Variants in HOMER2 observed in about 807,000 individuals in gnomAD.
The protein encoded by HOMER2 is homer protein homolog 2.
In HOMER2, 27 loss-of-function variants were observed where a neutral mutation model predicts 47.0. The observed-to-expected ratio is 0.57, with a 90% CI of 0.42 to 0.79. The LOEUF is 0.79. Among genes scored for constraint, HOMER2 ranks in the 30% least tolerant of loss-of-function variants. The pLI is 0.00. For synonymous variants in HOMER2, 161 were observed against 163.8 expected, an observed-to-expected ratio of 0.98 and a Z score of 0.13; for missense variants, 443 against 435.0, an observed-to-expected ratio of 1.02 and a Z score of -0.16.
intron 3 of HOMER2, among the ~76,000 whole-genome samples, chr15:82,867,065 G>C (rs927991159): frequency 6.6e-6 from 1 of 152,112 alleles, no homozygotes; most frequent in Non-Finnish European, 1.5e-5. Flanking sequence ...TAATGAGGAA[G>C]ATTATTCAAC....
intron 3 of HOMER2, among the ~76,000 whole-genome samples, chr15:82,866,213 T>A (rs913612890): frequency 2.0e-5 from 3 of 152,070 alleles, no homozygotes; most frequent in Admixed American, 2.0e-4. Context: ...GTGACCTGGA[T>A]GTGAGACATG....
chr15:82,928,958 A>AAAAAAAAAAAAAAAAAAAAAAAC (rs2053933253), intron 1 of HOMER2, among the ~76,000 whole-genome samples: 1 of 148,802 alleles, frequency 6.7e-6, no homozygotes, highest in African/African-American at 2.5e-5. Flanking sequence ...AAAAAAAAAA[A>AAAAAAAAAAAAAAAAAAAAAAAC]AAGCTGTCAT....
chr15:82,902,875 T>C (rs1471032289), intron 1 of HOMER2, among the ~76,000 whole-genome samples: 1 of 135,548 alleles, frequency 7.4e-6, no homozygotes, highest in East Asian at 1.9e-4. Context: ...TGAAAATAAT[T>C]TTGTTTTATT....
At chr15:82,952,811 T>C, upstream of HOMER2, 2 of 660,346 alleles carry the variant, frequency 3.0e-6, no homozygotes, top group Non-Finnish European at 3.7e-6. Flanking sequence ...CGTAACCTCG[T>C]GGCCCCCGGG....
rs185443918 is a variant in HOMER2, at chr15:82,963,871, T to C, written n.83-4563A>G. 1.1e-4 allele frequency among the ~76,000 whole-genome samples: 17 copies of C among 152,278 alleles called. No homozygotes were observed. The East Asian group carries it at 3.1e-3, about 28-fold the overall frequency. ...GCCTTTCCTCCTCCAACATCCTCCA[T>C]GCAGGGCCTCTTACTTCCACCTCTG... On this transcript the variant is annotated intron_variant and non_coding_transcript_variant, in intron 1 of 1. Transcript: ENST00000500334.
At chr15:82,966,296 G>A (rs564535083) in intron 1 of HOMER2, among the ~76,000 whole-genome samples, 5 of 152,224 alleles carry the variant, frequency 3.3e-5, no homozygotes, top group East Asian at 1.9e-4. Flanking sequence ...ACTAAAACAC[G>A]GAGAAAGAGG....
intron 1 of HOMER2, among the ~76,000 whole-genome samples, chr15:82,937,717 T>C (rs2151210536): frequency 6.6e-6 from 1 of 152,230 alleles, no homozygotes; most frequent in South Asian, 2.1e-4. Context: ...AGGTGACCAA[T>C]GGAGACAGAG....
intron 1 of HOMER2, among the ~76,000 whole-genome samples, chr15:82,898,049 A>G (rs2052992779): frequency 6.6e-6 from 1 of 152,258 alleles, no homozygotes; most frequent in South Asian, 2.1e-4. Flanking sequence ...GTTCTCATTT[A>G]ATCCTCCCAA....
In HOMER2 at chr15:82,879,722, T is replaced by G. The variant is rs1477099015; in HGVS notation, c.163-4318A>C. Among the ~76,000 whole-genome samples, 4 of 152,124 alleles carry G rather than the reference T, an allele frequency of 2.6e-5. No homozygotes were observed. In the East Asian group the frequency reaches 7.7e-4, roughly 29 times the overall value. ...GGGTGGTGGTTGCTGAAGGGTGGAGTCATTGTGTCAATTTCTTAAAATAAG... is the reference window on the plus strand; with the variant it reads ...GGGTGGTGGTTGCTGAAGGGTGGAGGCATTGTGTCAATTTCTTAAAATAAG... On this transcript the variant is annotated intron_variant, in intron 2 of 8. Coordinates refer to ENST00000450735, the MANE Select transcript of HOMER2 (RefSeq NM_004839.4).
At chr15:82,870,811 T>C (rs2052150673) in intron 3 of HOMER2, among the ~76,000 whole-genome samples, 1 of 152,178 alleles carries the variant, frequency 6.6e-6, no homozygotes, top group Admixed American at 6.5e-5. Context: ...GCAAATGCCA[T>C]GCACGTATCG....
chr15:82,897,281 G>A lies in HOMER2; in HGVS notation c.6-4440C>T, dbSNP rs2052964999. 1.3e-5 allele frequency among the ~76,000 whole-genome samples: 2 copies of A among 151,982 alleles called. 1 individual carries two copies. The highest frequency in any genetic ancestry group is 1.3e-4 in the Admixed American group (2 of 15,266). Reference sequence around the variant, plus strand: ...GGGTTTCACCATCTTGGCCAGGCTGGTCTTGAACTCCTGACCTCATGATCC... The same window carrying A: ...GGGTTTCACCATCTTGGCCAGGCTGATCTTGAACTCCTGACCTCATGATCC... On this transcript the variant is annotated intron_variant, in intron 1 of 8. Coordinates refer to ENST00000450735, the MANE Select transcript of HOMER2 (RefSeq NM_004839.4).
chr15:82,902,224 GTCTC>G (rs570087651), intron 1 of HOMER2, among the ~76,000 whole-genome samples: 31 of 130,964 alleles, frequency 2.4e-4, no homozygotes, highest in South Asian at 2.1e-3. Context: ...TTGAGACCGA[GTCTC>G]TCTCTGTCAC....
chr15:82,860,979 G>GAGAGAA (rs2051766386), intron 4 of HOMER2, among the ~76,000 whole-genome samples: 1 of 148,012 alleles, frequency 6.8e-6, no homozygotes, highest in African/African-American at 2.5e-5. Context: ...GAGAGAGAGA[G>GAGAGAA]AGAAAGCGAA....
downstream of HOMER2, among the ~76,000 whole-genome samples, chr15:82,847,842 G>A (rs577375238): frequency 2.0e-5 from 3 of 152,236 alleles, no homozygotes; most frequent in South Asian, 6.2e-4. Context: ...GCTGGGCCAC[G>A]GGGCTGACTC....
At chr15:82,910,369 T>C (rs2053418505) in intron 1 of HOMER2, among the ~76,000 whole-genome samples, 1 of 152,080 alleles carries the variant, frequency 6.6e-6, no homozygotes, top group Non-Finnish European at 1.5e-5. Flanking sequence ...AGGAGTCCAG[T>C]GGGGTGAGTC....
chr15:82,880,319 T>C (rs1021702548), intron 2 of HOMER2, among the ~76,000 whole-genome samples: 1 of 152,236 alleles, frequency 6.6e-6, no homozygotes, highest in African/African-American at 2.4e-5. Context: ...TGCCAACTTC[T>C]GGTTTAGCGA....
intron 1 of HOMER2, among the ~76,000 whole-genome samples, chr15:82,903,794 A>G (rs145275479): frequency 1.1e-3 from 160 of 152,324 alleles, no homozygotes; most frequent in African/African-American, 3.8e-3. Context: ...CAGGAATTCG[A>G]GACCAGCTCG....
chr15:82,896,198 G>A lies in HOMER2; in HGVS notation c.6-3357C>T, dbSNP rs565773951. On this transcript the variant is annotated intron_variant, in intron 1 of 8. Transcript: ENST00000450735. ...CAGGAAGGAGGGTGGAGATGAGTGC[G>A]GCCTGTGGTGGCCCAGCAGTAGCCT... Among the ~76,000 whole-genome samples the A allele has an allele frequency of 3.5e-4, 54 of 152,188 alleles. No homozygotes were observed. The East Asian group carries it at 9.7e-3, about 27-fold the overall frequency.
chr15:82,972,759 G>A (rs886826747), intron 1 of HOMER2, among the ~76,000 whole-genome samples: 5 of 152,182 alleles, frequency 3.3e-5, no homozygotes, highest in African/African-American at 1.2e-4. Flanking sequence ...TCAAGTGCTG[G>A]CACAGCAGGA....
Sources: gnomAD v4.1 joint callset for allele counts (sites outside exome capture counted in the v4.1 genomes callset) on GRCh38, gnomAD v4.1.1 for gene constraint, MANE v1.5 for transcripts, NCBI Gene and HGNC (gene_info 2026-07-23, HGNC 2026-07-21) for gene names.